The following EYA4 variants were observed in gnomAD, a reference collection of about 807,000 sequenced individuals.
The protein encoded by EYA4 is EYA transcriptional coactivator and phosphatase 4, also known as protein phosphatase EYA4.
EYA4 carries 31 observed loss-of-function variants against 87.9 expected under a neutral mutation model. That is an observed-to-expected ratio of 0.35 (90% CI 0.27 to 0.48). The LOEUF is 0.48. Among genes scored for constraint, EYA4 ranks in the 20% least tolerant of loss-of-function variants. EYA4 has a pLI of 0.99. For synonymous variants in EYA4, 263 were observed against 270.6 expected (o/e 0.97, Z 0.28); for missense variants, 678 against 761.4 (o/e 0.89, Z 1.29).
chr6:133,427,014 C>T (rs2128574925), intron 3 of EYA4, among the ~76,000 whole-genome samples: 1 of 152,288 alleles, frequency 6.6e-6, no homozygotes, highest in Middle Eastern at 3.4e-3. Context: ...ATAAGCTCCA[C>T]AAAGGCAGAG....
intron 2 of EYA4, among the ~76,000 whole-genome samples, chr6:133,381,298 A>G (rs540259612): frequency 6.6e-6 from 1 of 152,228 alleles, no homozygotes; most frequent in South Asian, 2.1e-4. Flanking sequence ...TATTAAAAGC[A>G]AAAGACGGGA....
At chr6:133,367,387 A>G (rs1435142383) in intron 2 of EYA4, among the ~76,000 whole-genome samples, 1 of 152,188 alleles carries the variant, frequency 6.6e-6, no homozygotes, top group African/African-American at 2.4e-5. Flanking sequence ...GCAGTAATTA[A>G]TTTATTTTCT....
chr6:133,386,414 G>T lies in EYA4; in HGVS notation c.83+3973G>T, dbSNP rs73559671. ...AGTCCTTTTTATTTCTGATAATGAG[G>T]TGAGGAAATAATTTATTTCATTCTT... On this transcript the variant is annotated intron_variant, in intron 3 of 19. Coordinates refer to ENST00000355286, the MANE Select transcript of EYA4 (RefSeq NM_004100.5). Among the ~76,000 whole-genome samples, 623 of 152,120 alleles carry T rather than the reference G, an allele frequency of 4.1e-3. 7 individuals carry two copies. Among genetic ancestry groups the T allele is most frequent in the African/African-American group, 0.014 (597 of 41,484 alleles).
intron 1 of EYA4, among the ~76,000 whole-genome samples, chr6:133,243,433 G>T (rs556176906): frequency 6.6e-6 from 1 of 152,090 alleles, no homozygotes; most frequent in Non-Finnish European, 1.5e-5. Flanking sequence ...TTCAGTGCGG[G>T]CTCCTGCGGG....
At chr6:133,391,440 A>G (rs1787288491) in intron 3 of EYA4, among the ~76,000 whole-genome samples, 1 of 152,062 alleles carries the variant, frequency 6.6e-6, no homozygotes, top group African/African-American at 2.4e-5. Flanking sequence ...TTCAGAAGGT[A>G]TGGGAGACAC....
At chr6:133,323,321 G>T (rs1338197418) in intron 2 of EYA4, among the ~76,000 whole-genome samples, 1 of 152,114 alleles carries the variant, frequency 6.6e-6, no homozygotes. Flanking sequence ...AAGAATTAAA[G>T]TGGCTCCAAG....
intron 2 of EYA4, among the ~76,000 whole-genome samples, chr6:133,324,942 G>A (rs1156791453): frequency 7.4e-5 from 8 of 107,488 alleles, no homozygotes; most frequent in East Asian, 2.9e-4. Flanking sequence ...ACAGAGTCTC[G>A]CCCTGTCCCC....
chr6:133,525,045 C>T, intron 18 of EYA4, 109 bp from the exon 19 acceptor site: 2 of 1,613,564 alleles, frequency 1.2e-6, no homozygotes, highest in Non-Finnish European at 1.7e-6. Context: ...CGTATAGTGT[C>T]CAGATTTGGC....
At chr6:133,454,530 C>A (rs1793741980) in intron 5 of EYA4, among the ~76,000 whole-genome samples, 1 of 152,098 alleles carries the variant, frequency 6.6e-6, no homozygotes, top group African/African-American at 2.4e-5. Flanking sequence ...CGTTATTTAA[C>A]CTTTTTGTGC....
intron 18 of EYA4, among the ~76,000 whole-genome samples, chr6:133,524,531 A>C (rs370645603): frequency 5.9e-5 from 9 of 152,212 alleles, no homozygotes; most frequent in East Asian, 5.8e-4. Context: ...GTCAGACAGC[A>C]CCCTTAGCAG....
At chr6:133,398,091 T>C (rs145519313) in intron 3 of EYA4, among the ~76,000 whole-genome samples, 4 of 152,168 alleles carry the variant, frequency 2.6e-5, no homozygotes, top group East Asian at 3.9e-4. Flanking sequence ...TTGTGCTAAA[T>C]GTAAGAGATA....
intron 3 of EYA4, among the ~76,000 whole-genome samples, chr6:133,398,011 G>T (rs79625933): frequency 6.6e-6 from 1 of 152,122 alleles, no homozygotes; most frequent in Non-Finnish European, 1.5e-5. Context: ...ATTGTTTTGT[G>T]TGTCTTTTCC....
intron 2 of EYA4, among the ~76,000 whole-genome samples, chr6:133,369,370 C>T (rs922961019): frequency 3.3e-5 from 5 of 151,852 alleles, no homozygotes; most frequent in South Asian, 2.1e-4. Context: ...CCCTCTCTTT[C>T]GTAAACATAA....
chr6:133,319,582 T>C (rs1780900731), intron 2 of EYA4, among the ~76,000 whole-genome samples: 2 of 152,036 alleles, frequency 1.3e-5, no homozygotes, highest in Non-Finnish European at 1.5e-5. Context: ...TGTATCAGCT[T>C]TCTTTTGGCT....
At chr6:133,356,054 A>T (rs916017027) in intron 2 of EYA4, among the ~76,000 whole-genome samples, 2 of 103,336 alleles carry the variant, frequency 1.9e-5, no homozygotes, top group Admixed American at 1.8e-4. Flanking sequence ...AGAGAAAGAG[A>T]GAAAGAGAGA....
At chr6:133,454,317 G>T (rs1346120870) in intron 5 of EYA4, among the ~76,000 whole-genome samples, 5 of 152,150 alleles carry the variant, frequency 3.3e-5, no homozygotes, top group African/African-American at 1.2e-4. Flanking sequence ...TGTCATAAAT[G>T]TTAGAACTCA....
At chr6:133,320,655 A>T (rs192282547) in intron 2 of EYA4, among the ~76,000 whole-genome samples, 13 of 151,996 alleles carry the variant, frequency 8.6e-5, no homozygotes, top group African/African-American at 3.1e-4. Flanking sequence ...CTAATAGGCA[A>T]TTTTTCAATC....
intron 17 of EYA4, among the ~76,000 whole-genome samples, chr6:133,520,724 G>C (rs1451498835): frequency 1.3e-4 from 20 of 151,698 alleles, no homozygotes; most frequent in Non-Finnish European, 2.5e-4. Flanking sequence ...CACACTACCT[G>C]ACTTCAAACT....
intron 1 of EYA4, among the ~76,000 whole-genome samples, chr6:133,274,273 C>CT (rs1328017958): frequency 7.9e-5 from 12 of 152,086 alleles, no homozygotes; most frequent in Non-Finnish European, 1.5e-4. Context: ...GAATAATCAT[C>CT]TGATAATTCA....
Sources: allele counts gnomAD v4.1 joint callset (sites outside exome capture counted in the v4.1 genomes callset), GRCh38; gene constraint gnomAD v4.1.1; transcripts MANE v1.5; gene names NCBI Gene and HGNC (gene_info 2026-07-23, HGNC 2026-07-21).